CEMIP: variants seen among roughly 807,000 people sequenced by gnomAD.
CEMIP encodes cell migration-inducing and hyaluronan-binding protein.
Under a neutral mutation model 156.9 loss-of-function variants are expected in CEMIP, and 105 were observed. That is an observed-to-expected ratio of 0.67 (90% CI 0.57 to 0.79). The LOEUF (loss-of-function observed/expected upper bound fraction) is 0.79, where lower values mean the gene tolerates loss of function less well. CEMIP is among the 30% of genes least tolerant of loss of function. The pLI is 0.00. For missense variants in CEMIP, 1,457 were observed against 1,769.4 expected (o/e 0.82, Z 3.17); for synonymous variants, 676 against 668.4 (o/e 1.01, Z -0.17).
At chr15:80,816,200 G>C (rs1896784467) in intron 1 of CEMIP, among the ~76,000 whole-genome samples, 1 of 152,190 alleles carries the variant, frequency 6.6e-6, no homozygotes, top group South Asian at 2.1e-4. Context: ...GACCACAGGA[G>C]AAACTTTCCC....
At chr15:80,911,132 T>C (rs1212812044) in intron 14 of CEMIP, among the ~76,000 whole-genome samples, 2 of 152,106 alleles carry the variant, frequency 1.3e-5, no homozygotes, top group Non-Finnish European at 2.9e-5. Flanking sequence ...CTTCCAGGAT[T>C]GAGCAAGCAG....
rs1596207158 is a variant in CEMIP at position 80,937,981 on chromosome 15, T to G, written c.3407+2T>G. 1 of 1,612,956 alleles carries G rather than the reference T, an allele frequency of 6.2e-7. No individual in the cohort carries two copies. The highest frequency in any genetic ancestry group is 8.5e-7 in the Non-Finnish European group (1 of 1,179,482). On this transcript the variant is annotated splice_donor_variant, in intron 25 of 29. Coordinates refer to ENST00000394685, the MANE Select transcript of CEMIP (RefSeq NM_001293298.2). LOFTEE classifies it high-confidence loss of function. ...CTACTACTGGGACGAGGACTCAGGGTGAGCAGGCGCCCACTTGGCTGCAGG... is the reference window on the plus strand; with the variant it reads ...CTACTACTGGGACGAGGACTCAGGGGGAGCAGGCGCCCACTTGGCTGCAGG...
chr15:80,945,595 C>G (rs548095211), intron 28 of CEMIP, among the ~76,000 whole-genome samples: 1 of 152,324 alleles, frequency 6.6e-6, no homozygotes, highest in Non-Finnish European at 1.5e-5. Context: ...AGCTCCCTTC[C>G]CATCTATCCT....
At chr15:80,785,680 A>G (rs763056938) in intron 1 of CEMIP, among the ~76,000 whole-genome samples, 4 of 152,212 alleles carry the variant, frequency 2.6e-5, no homozygotes, top group Non-Finnish European at 5.9e-5. Flanking sequence ...GAAGAAGACC[A>G]GTAATTCAGC....
rs1596179535 is a variant in CEMIP, at chr15:80,906,627, C to A, written c.1412-36C>A. On this transcript the variant is annotated intron_variant, in intron 12 of 29. Coordinates refer to ENST00000394685, the MANE Select transcript of CEMIP (RefSeq NM_001293298.2). This position sits in a 1 kb window ranked among gnomAD's most constrained non-coding sequence, Gnocchi z 4.3. ...CCCAGAACTCAGTGGGCATGCAGTA[C>A]CTGCTGTTGTTTACCGTCCTCCCTT... 1.9e-6 allele frequency: 3 copies of A among 1,592,352 alleles called. No homozygotes were observed. The East Asian group carries it at 6.7e-5, about 36-fold the overall frequency.
chr15:80,780,826 C>T (rs773236105), intron 1 of CEMIP, among the ~76,000 whole-genome samples: 20 of 152,184 alleles, frequency 1.3e-4, no homozygotes, highest in Non-Finnish European at 2.6e-4. Flanking sequence ...GTCTGTGGCC[C>T]TGGGTCTCCG....
intron 1 of CEMIP, among the ~76,000 whole-genome samples, chr15:80,785,004 A>G (rs1056994564): frequency 1.3e-5 from 2 of 152,174 alleles, no homozygotes; most frequent in South Asian, 2.1e-4. Context: ...GGAGATAATT[A>G]TTGTCGCTCC....
chr15:80,870,660 C>T (rs1164623032), intron 1 of CEMIP, among the ~76,000 whole-genome samples: 1 of 152,228 alleles, frequency 6.6e-6, no homozygotes, highest in Non-Finnish European at 1.5e-5. Flanking sequence ...GCAACGCCTC[C>T]TGCCCCTGCT....
chr15:80,940,113 G>A (rs1215384225), intron 25 of CEMIP, among the ~76,000 whole-genome samples: 1 of 152,214 alleles, frequency 6.6e-6, no homozygotes, highest in Non-Finnish European at 1.5e-5. Context: ...TATTTAAGGT[G>A]CACAGCCATC....
intron 6 of CEMIP, among the ~76,000 whole-genome samples, chr15:80,883,820 A>G (rs1466117520): frequency 1.3e-5 from 2 of 152,182 alleles, no homozygotes; most frequent in African/African-American, 4.8e-5. Flanking sequence ...TCCAAGAGGC[A>G]TGATCCTCTG....
Position 80,932,365 on chromosome 15 carries a change from C to T in CEMIP, c.2793+326C>T, listed in dbSNP as rs1206104830. Among the ~76,000 whole-genome samples, 1 of 152,208 alleles carries T rather than the reference C, an allele frequency of 6.6e-6. No individual in the cohort carries two copies. The highest frequency in any genetic ancestry group is 2.4e-5 in the African/African-American group (1 of 41,452). On this transcript the variant is annotated intron_variant, in intron 22 of 29. Transcript: ENST00000394685. The surrounding 1 kb of genome is among the most constrained non-coding windows in gnomAD (Gnocchi z 4.5). ...ACTTGACTTTGACAAACTGAGTCTT[C>T]TGACCAGGCCACCTGAGTTGGCACA...
chr15:80,936,957 T>C (rs747910666), intron 24 of CEMIP, 72 bp downstream of exon 24: 65 of 1,448,566 alleles, frequency 4.5e-5, no homozygotes, highest in African/African-American at 7.0e-5. Context: ...GTCCTGGACT[T>C]GCGTCTAACG....
chr15:80,928,844 A>C, intron 19 of CEMIP, 58 bp from the exon 20 acceptor site: 1 of 1,607,414 alleles, frequency 6.2e-7, no homozygotes, highest in South Asian at 1.1e-5. Flanking sequence ...TCTCTCCACG[A>C]CTCCACTGAA....
intron 1 of CEMIP, among the ~76,000 whole-genome samples, chr15:80,845,513 T>TA (rs1158996396): frequency 6.6e-6 from 1 of 152,182 alleles, no homozygotes; most frequent in Non-Finnish European, 1.5e-5. Flanking sequence ...AACATGGCAC[T>TA]AAAAAACCTG....
chr15:80,950,503 C>T lies in CEMIP; in HGVS notation c.*1579C>T, dbSNP rs1429961814. 1 of 152,328 alleles carries T rather than the reference C, an allele frequency of 6.6e-6. No homozygotes were observed. The highest frequency in any genetic ancestry group is 1.5e-5 in the Non-Finnish European group (1 of 68,120). 9.4% of individuals were successfully genotyped at this position (152,328 alleles called of 1,614,324 possible). A position where few individuals can be genotyped will look rare whatever the true frequency, so the allele number is the denominator to read the frequency against. ...CCTTGGTGTTGGCGGTCCCTGTGGC[C>T]TTCACTTTGTTCACTACCTGTCAGC... On this transcript the variant is annotated 3_prime_UTR_variant, in exon 30 of 30. Transcript: ENST00000394685.
In CEMIP at chr15:80,906,894, C is replaced by T. The variant is rs2141888515; in HGVS notation, c.1587+56C>T. On this transcript the variant is annotated intron_variant, in intron 13 of 29. Coordinates refer to ENST00000394685, the MANE Select transcript of CEMIP (RefSeq NM_001293298.2). The surrounding 1 kb of genome is among the most constrained non-coding windows in gnomAD (Gnocchi z 4.3). ...CCAACCAGGAGAGTTCCTATGATGT[C>T]AGCCTCTAGACGGGCCTTCTTGGTA... 2.6e-6 allele frequency: 4 copies of T among 1,553,588 alleles called. No individual in the cohort carries two copies. Among genetic ancestry groups the T allele is most frequent in the South Asian group, 2.3e-5 (2 of 85,444 alleles).
intron 1 of CEMIP, among the ~76,000 whole-genome samples, chr15:80,783,750 C>A (rs966668375): frequency 1.3e-5 from 2 of 152,224 alleles, no homozygotes; most frequent in Admixed American, 6.5e-5. Context: ...CTCTGGCAGG[C>A]CCCTAGTCCT....
At chr15:80,894,945 T>C (rs1254717622) in intron 10 of CEMIP, 45 bp from the exon 11 acceptor site, 4 of 1,267,094 alleles carry the variant, frequency 3.2e-6, no homozygotes, top group East Asian at 2.9e-5. Context: ...TCCTTCTCTA[T>C]AAAAAAAAAA....
intron 1 of CEMIP, among the ~76,000 whole-genome samples, chr15:80,779,981 T>C (rs924241697): frequency 6.6e-6 from 1 of 151,320 alleles, no homozygotes; most frequent in African/African-American, 2.4e-5. Flanking sequence ...CCCGGGAGAG[T>C]GTCTCGCCGA....
Sources: gnomAD v4.1 joint callset for allele counts (sites outside exome capture counted in the v4.1 genomes callset) on GRCh38, gnomAD v4.1.1 for gene constraint, Gnocchi (gnomAD v3.1) non-coding constraint, MANE v1.5 for transcripts, NCBI Gene and HGNC (gene_info 2026-07-23, HGNC 2026-07-21) for gene names.